KPNA6: variants seen among roughly 807,000 people sequenced by gnomAD.
The protein encoded by KPNA6 is importin subunit alpha-7.
In KPNA6, 9 loss-of-function variants were observed where a neutral mutation model predicts 72.0. That is an observed-to-expected ratio of 0.13 (90% CI 0.08 to 0.22). The LOEUF is 0.22. KPNA6 is among the 10% of genes least tolerant of loss of function. KPNA6 has a pLI of 1.00. For missense variants in KPNA6, 374 were observed against 655.7 expected, an observed-to-expected ratio of 0.57 and a Z score of 4.69; for synonymous variants, 219 against 242.1, an observed-to-expected ratio of 0.90 and a Z score of 0.89.
intron 12 of KPNA6, among the ~76,000 whole-genome samples, chr1:32,169,538 C>T (rs1005812900): frequency 1.3e-5 from 2 of 151,130 alleles, no homozygotes; most frequent in African/African-American, 4.9e-5. Context: ...GCTCTGCCTC[C>T]TAGGTTCACA....
chr1:32,117,334 G>A (rs571210659), intron 1 of KPNA6, among the ~76,000 whole-genome samples: 119 of 152,080 alleles, frequency 7.8e-4, no homozygotes, highest in South Asian at 2.5e-3. Flanking sequence ...CACCACGCCC[G>A]GCTAACTTTT....
At chr1:32,139,773 A>T (rs1241686552) in intron 1 of KPNA6, among the ~76,000 whole-genome samples, 1 of 152,224 alleles carries the variant, frequency 6.6e-6, no homozygotes, top group Non-Finnish European at 1.5e-5. Flanking sequence ...TGAAATGTGG[A>T]TGAAGTGATA....
intron 1 of KPNA6, among the ~76,000 whole-genome samples, chr1:32,133,909 C>T (rs1056942581): frequency 3.3e-5 from 5 of 151,134 alleles, no homozygotes; most frequent in African/African-American, 4.9e-5. Context: ...GTGCAGCAGC[C>T]GGCATCTGTA....
At chr1:32,148,180 A>G (rs373436412) in intron 1 of KPNA6, among the ~76,000 whole-genome samples, 53 of 151,854 alleles carry the variant, frequency 3.5e-4, no homozygotes, top group Middle Eastern at 3.4e-3. Flanking sequence ...TCTCGGCTCA[A>G]TGCAGTCTCT....
chr1:32,115,841 T>G (rs1641319844), intron 1 of KPNA6, among the ~76,000 whole-genome samples: 1 of 152,106 alleles, frequency 6.6e-6, no homozygotes, highest in African/African-American at 2.4e-5. Context: ...CCTCCCAGAT[T>G]CAAGCGATTC....
At chr1:32,148,570 C>CTTTTTTTTTTTTT (rs1354307948) in intron 1 of KPNA6, among the ~76,000 whole-genome samples, 1 of 117,614 alleles carries the variant, frequency 8.5e-6, no homozygotes, top group Non-Finnish European at 1.8e-5. Flanking sequence ...TTTTTTTTTT[C>CTTTTTTTTTTTTT]TTTTTTTTTT....
At chr1:32,157,856 C>T (rs1048546409) in intron 4 of KPNA6, among the ~76,000 whole-genome samples, 13 of 152,088 alleles carry the variant, frequency 8.5e-5, no homozygotes, top group Non-Finnish European at 1.5e-4. Flanking sequence ...GTGTGGCACA[C>T]CATAGGTACT....
chr1:32,117,478 G>GTTT (rs763949374), intron 1 of KPNA6, among the ~76,000 whole-genome samples: 5 of 140,656 alleles, frequency 3.6e-5, no homozygotes, highest in Non-Finnish European at 4.6e-5. Flanking sequence ...GGCCCAATTT[G>GTTT]TTTTTTTTTT....
At chr1:32,133,554 G>C (rs966318380) in intron 1 of KPNA6, among the ~76,000 whole-genome samples, 6 of 150,394 alleles carry the variant, frequency 4.0e-5, no homozygotes, top group Non-Finnish European at 8.9e-5. Context: ...ACTTGGACAT[G>C]ATGGCATGGG....
intron 1 of KPNA6, among the ~76,000 whole-genome samples, chr1:32,140,151 G>A (rs1427926090): frequency 6.6e-6 from 1 of 152,168 alleles, no homozygotes; most frequent in Non-Finnish European, 1.5e-5. Flanking sequence ...TTGGGAGGCC[G>A]AGGCAGGCGG....
chr1:32,166,321 T>A (rs1642336838), intron 11 of KPNA6, 91 bp downstream of exon 11: 1 of 1,467,768 alleles, frequency 6.8e-7, no homozygotes. Flanking sequence ...AGAATTTGTT[T>A]CCCTTTAAAA....
intron 1 of KPNA6, among the ~76,000 whole-genome samples, chr1:32,150,127 CTTTT>C (rs35179721): frequency 2.3e-5 from 2 of 87,054 alleles, no homozygotes; most frequent in Non-Finnish European, 4.4e-5. Context: ...AATTTTTAGT[CTTTT>C]TTTTTTTTTT....
At chr1:32,132,026 A>C (rs980610512) in intron 1 of KPNA6, among the ~76,000 whole-genome samples, 3 of 146,442 alleles carry the variant, frequency 2.0e-5, no homozygotes, top group African/African-American at 7.6e-5. Flanking sequence ...GCTGTAGTGC[A>C]GTGGCGTAAT....
chr1:32,168,490 A>T (rs559853657), intron 12 of KPNA6, among the ~76,000 whole-genome samples: 52 of 152,196 alleles, frequency 3.4e-4, no homozygotes, highest in Admixed American at 3.3e-3. Context: ...TGGCCTGTGT[A>T]CTCTTTTATT....
chr1:32,151,292 G>T (rs1158780668), intron 1 of KPNA6, among the ~76,000 whole-genome samples: 1 of 151,972 alleles, frequency 6.6e-6, no homozygotes, highest in Non-Finnish European at 1.5e-5. Context: ...CCCTTCTTAG[G>T]GTCTCTACTA....
At chr1:32,125,472 A>G (rs927356425) in intron 1 of KPNA6, among the ~76,000 whole-genome samples, 2 of 151,646 alleles carry the variant, frequency 1.3e-5, no homozygotes, top group African/African-American at 4.9e-5. Context: ...AGATCCAGCG[A>G]TCAATCAAGA....
chr1:32,108,801 G>A (rs1007377229), intron 1 of KPNA6, among the ~76,000 whole-genome samples: 5 of 152,182 alleles, frequency 3.3e-5, no homozygotes, highest in Non-Finnish European at 7.3e-5. Context: ...AGGACTTTAG[G>A]TTTCTGGGCT....
chr1:32,143,941 CATGGTA>C (rs1475704473), intron 1 of KPNA6, among the ~76,000 whole-genome samples: 3 of 152,152 alleles, frequency 2.0e-5, no homozygotes. Flanking sequence ...AATGATATTC[CATGGTA>C]TCCATATGCA....
At chr1:32,170,449 G>A (rs1399454019) in intron 13 of KPNA6, among the ~76,000 whole-genome samples, 2 of 152,202 alleles carry the variant, frequency 1.3e-5, no homozygotes, top group African/African-American at 2.4e-5. Context: ...GGCTGATGAT[G>A]TGCCCAGGTC....
Sources: gnomAD v4.1 joint callset for allele counts (sites outside exome capture counted in the v4.1 genomes callset) on GRCh38, gnomAD v4.1.1 for gene constraint, MANE v1.5 for transcripts, NCBI Gene and HGNC (gene_info 2026-07-23, HGNC 2026-07-21) for gene names.